HSPG2: variants seen among roughly 807,000 people sequenced by gnomAD.
The protein encoded by HSPG2 is heparan sulfate proteoglycan 2.
In HSPG2, 278 loss-of-function variants were observed where a neutral mutation model predicts 526.6. That is an observed-to-expected ratio of 0.53 (90% CI 0.48 to 0.58). The LOEUF is 0.58. Ranked by LOEUF, HSPG2 falls within the 20% of genes least tolerant of loss-of-function variation. The pLI is 0.00. For synonymous variants in HSPG2, 2,465 were observed against 2,555.4 expected, an observed-to-expected ratio of 0.96 and a Z score of 1.07; for missense variants, 5,354 against 6,099.5, an observed-to-expected ratio of 0.88 and a Z score of 4.07.
At chr1:21,870,646 C>T (rs1315538912) in intron 33 of HSPG2, among the ~76,000 whole-genome samples, 3 of 152,236 alleles carry the variant, frequency 2.0e-5, no homozygotes, top group African/African-American at 4.8e-5. Context: ...CCAGACCACA[C>T]AGCAGGTGAG....
At chr1:21,906,386 A>C (rs890222281) in intron 1 of HSPG2, among the ~76,000 whole-genome samples, 10 of 152,238 alleles carry the variant, frequency 6.6e-5, no homozygotes, top group Non-Finnish European at 1.3e-4. Context: ...GGCAACAGGA[A>C]AAAACAGGCT....
At chr1:21,873,260 G>A in intron 30 of HSPG2, 115 bp downstream of exon 30, 2 of 1,303,422 alleles carry the variant, frequency 1.5e-6, no homozygotes, top group Non-Finnish European at 1.1e-6. Flanking sequence ...CCATTTTACA[G>A]ATGAAGAAAC....
In HSPG2 at chr1:21,822,493, T is replaced by A; in HGVS notation, c.*823A>T. ...TCTTCCTGAGCACCAGCGGCATCCG[T>A]CCGTCCGTTGTCTGTTGGAGGAGTC... On this transcript the variant is annotated 3_prime_UTR_variant, in exon 97 of 97. Transcript: ENST00000374695. The A allele has an allele frequency of 2.6e-6, 1 of 391,430 alleles. No homozygotes were observed. The highest frequency in any genetic ancestry group is 5.2e-5 in the East Asian group (1 of 19,054). 24.2% of individuals were successfully genotyped at this position (391,430 alleles called of 1,614,324 possible). A position where few individuals can be genotyped will look rare whatever the true frequency, so the allele number is the denominator to read the frequency against.
intron 65 of HSPG2, among the ~76,000 whole-genome samples, chr1:21,843,781 G>A (rs2098059554): frequency 1.3e-5 from 2 of 152,114 alleles, no homozygotes; most frequent in South Asian, 4.1e-4. Context: ...TGAGTAGCTG[G>A]GATTACAGGC....
Position 21,851,893 on chromosome 1 carries a change from A to G in HSPG2, c.6904T>C (p.Ser2302Pro), listed in dbSNP as rs748396943. The G allele has an allele frequency of 1.2e-6, 2 of 1,610,820 alleles. No homozygotes were observed. Among genetic ancestry groups the G allele is most frequent in the Non-Finnish European group, 1.7e-6 (2 of 1,179,018 alleles). Residue 2302 changes from serine (S) to proline (P), a missense_variant, in exon 54 of 97, where the codon TCA becomes CCA. Physicochemically the swap from Ser to Pro is moderately conservative, Grantham distance 74. Transcript: ENST00000374695. ...RGSRLYIFQA[S>P]PADAGQYVCR... ...ACGTACTGTCCCGCATCGGCAGGTG[A>G]GGCCTGGAAGATGTACAGGCGGGAG...
intron 1 of HSPG2, among the ~76,000 whole-genome samples, chr1:21,926,108 G>A (rs1644183954): frequency 6.6e-6 from 1 of 152,136 alleles, no homozygotes; most frequent in African/African-American, 2.4e-5. Flanking sequence ...GGGATTACAA[G>A]TGAGAATCTG....
chr1:21,878,931 AT>A (rs1641300144), intron 18 of HSPG2, 62 bp downstream of exon 18: 1 of 1,575,214 alleles, frequency 6.3e-7, no homozygotes, highest in Non-Finnish European at 8.6e-7. Context: ...CCTGCCCAGA[AT>A]ATTCTCTGGC....
intron 52 of HSPG2, 57 bp from the exon 53 acceptor site, chr1:21,852,290 G>A: frequency 1.2e-6 from 2 of 1,604,024 alleles, no homozygotes; most frequent in East Asian, 4.5e-5. Flanking sequence ...GAGAGGGCAG[G>A]GGTTGCCCAC....
chr1:21,879,587 C>A (rs1244923325), intron 17 of HSPG2, among the ~76,000 whole-genome samples: 1 of 152,214 alleles, frequency 6.6e-6, no homozygotes, highest in Non-Finnish European at 1.5e-5. Flanking sequence ...TTGGCACTCT[C>A]CAGGATTAGT....
chr1:21,846,525 T>A lies in HSPG2; in HGVS notation c.8239A>T (p.Asn2747Tyr), dbSNP rs1638448780. The A allele has an allele frequency of 6.2e-7, 1 of 1,613,620 alleles. No homozygotes were observed. Among genetic ancestry groups the A allele is most frequent in the Non-Finnish European group, 8.5e-7 (1 of 1,180,042 alleles). Reference sequence around the variant, plus strand: ...TGGGCCTGCCCGGGGACCACGCAGTTCAGATCCAGGGTCTCCCCTTCGGCC... The same window carrying A: ...TGGGCCTGCCCGGGGACCACGCAGTACAGATCCAGGGTCTCCCCTTCGGCC... ...HVAEGETLDL[N>Y]CVVPGQAHAQ... Residue 2747 changes from asparagine (N) to tyrosine (Y), a missense_variant, in exon 63 of 97, where the codon AAC becomes TAC. Asn to Tyr is a moderately radical substitution (Grantham distance 143, BLOSUM62 -2). Coordinates refer to ENST00000374695, the MANE Select transcript of HSPG2 (RefSeq NM_005529.7).
At chr1:21,833,087 G>A (rs1260834475) in intron 80 of HSPG2, 181 bp downstream of exon 80, 3 of 670,730 alleles carry the variant, frequency 4.5e-6, no homozygotes, top group Non-Finnish European at 2.7e-6. Context: ...GGAGAAGCCG[G>A]GAGGCACAAG....
chr1:21,827,833 G>C (rs1324561760), intron 91 of HSPG2, 30 bp downstream of exon 91: 9 of 1,564,478 alleles, frequency 5.8e-6, no homozygotes, highest in Non-Finnish European at 6.9e-6. Flanking sequence ...CTGAGCTGAA[G>C]CTGGGGAGGA....
chr1:21,892,820 T>C (rs1303281836), intron 3 of HSPG2, among the ~76,000 whole-genome samples: 1 of 140,104 alleles, frequency 7.1e-6, no homozygotes, highest in Non-Finnish European at 1.5e-5. Flanking sequence ...ATTGTGCCAC[T>C]GTACTGCCTT....
At chr1:21,868,280 C>T (rs532216096) in intron 33 of HSPG2, among the ~76,000 whole-genome samples, 4 of 148,690 alleles carry the variant, frequency 2.7e-5, no homozygotes, top group African/African-American at 7.4e-5. Context: ...CTCAGGTGTT[C>T]GCCTGCCCCA....
rs1241594360 is a variant in HSPG2, at chr1:21,864,104, C to T, written c.4736G>A (p.Cys1579Tyr). ...CTGGCCTCGCTTGCAGCTCACCGAGCAGGCCCCAGTCTCTGGGTGGCACAG... is the reference window on the plus strand; with the variant it reads ...CTGGCCTCGCTTGCAGCTCACCGAGTAGGCCCCAGTCTCTGGGTGGCACAG... The part of the protein sequence containing the change: ...SDLCHPETGA[C>Y]SQCQHNAAGE... Residue 1579 changes from cysteine to tyrosine, a missense_variant, in exon 37 of 97, where the codon TGC becomes TAC. Physicochemically the swap from Cys to Tyr is radical, Grantham distance 194. Coordinates refer to ENST00000374695, the MANE Select transcript of HSPG2 (RefSeq NM_005529.7). This position sits in a 1 kb window ranked among gnomAD's most constrained non-coding sequence, Gnocchi z 4.8. 6 of 1,552,248 alleles carry T rather than the reference C, an allele frequency of 3.9e-6. No individual in the cohort carries two copies. The African/African-American group carries it at 4.1e-5, about 11-fold the overall frequency.
In HSPG2 at chr1:21,893,325, C is replaced by T. The variant is rs897522484; in HGVS notation, c.244+2597G>A. Among the ~76,000 whole-genome samples the T allele has an allele frequency of 6.6e-6, 1 of 152,156 alleles. No homozygotes were observed. Among genetic ancestry groups the T allele is most frequent in the African/African-American group, 2.4e-5 (1 of 41,434 alleles). On this transcript the variant is annotated intron_variant, in intron 3 of 96. Transcript: ENST00000374695. The surrounding 1 kb of genome is among the most constrained non-coding windows in gnomAD (Gnocchi z 4.3). ...CGTCAACACCCCATGGGGAAGAACG[C>T]CCGCCAGGGTTCCAGCCCACTGTGT...
intron 1 of HSPG2, among the ~76,000 whole-genome samples, chr1:21,924,946 T>C (rs552973090): frequency 9.7e-4 from 148 of 152,308 alleles, no homozygotes; most frequent in African/African-American, 3.4e-3. Context: ...TTCCTTCCCC[T>C]GACACTCTGC....
rs749847777 is a variant in HSPG2, at chr1:21,854,342, A to G, written c.6290T>C (p.Val2097Ala). 7.7e-6 allele frequency: 12 copies of G among 1,566,586 alleles called. No homozygotes were observed. The highest frequency in any genetic ancestry group is 3.8e-5 in the Admixed American group (2 of 52,290). Reference protein sequence around the residue: ...RGGSLPPHTQVHGSRLRLPQV... With the variant: ...RGGSLPPHTQAHGSRLRLPQV... The stretch of plus-strand genomic sequence containing the variant: ...GGGGAGCCGCAGACGGGAGCCGTGC[A>G]CCTGGGCCAGGAGGAGCCAGAGGTA... The change falls in exon 50 of 97, where the codon GTG becomes GCG. Residue 2097 changes from valine to alanine, a missense_variant and splice_region_variant. Physicochemically the swap from Val to Ala is moderately conservative, Grantham distance 64. Coordinates refer to ENST00000374695, the MANE Select transcript of HSPG2 (RefSeq NM_005529.7).
chr1:21,892,944 G>A (rs1437029885), intron 3 of HSPG2, among the ~76,000 whole-genome samples: 1 of 151,870 alleles, frequency 6.6e-6, no homozygotes, highest in African/African-American at 2.4e-5. Flanking sequence ...CAGCAGGGGC[G>A]AGGCTGCCTT....
Sources: gnomAD v4.1 joint callset for allele counts (sites outside exome capture counted in the v4.1 genomes callset) on GRCh38, gnomAD v4.1.1 for gene constraint, Gnocchi (gnomAD v3.1) non-coding constraint, MANE v1.5 for transcripts, NCBI Gene and HGNC (gene_info 2026-07-23, HGNC 2026-07-21) for gene names.